ASTN2: variants seen among roughly 807,000 people sequenced by gnomAD.
The protein encoded by ASTN2 is astrotactin 2.
A neutral mutation model predicts 139.8 loss-of-function variants in ASTN2; 54 were observed. The ratio of observed to expected loss-of-function variants is 0.39; its 90% CI spans 0.31 to 0.48. The LOEUF is 0.48. Among genes scored for constraint, ASTN2 ranks in the 20% least tolerant of loss-of-function variants. The pLI is 0.95. For synonymous variants in ASTN2, 756 were observed against 719.5 expected (o/e 1.05, Z -0.81); for missense variants, 1,565 against 1,725.1 (o/e 0.91, Z 1.64).
At chr9:116,982,987 G>C (rs1316604570) in intron 7 of ASTN2, among the ~76,000 whole-genome samples, 1 of 152,136 alleles carries the variant, frequency 6.6e-6, no homozygotes, top group Non-Finnish European at 1.5e-5. Context: ...AGAGTGCAAA[G>C]CCTCCTTCAT....
rs144962537 is a variant in ASTN2, at chr9:117,054,027, A to G, written c.1277-14062T>C. Among the ~76,000 whole-genome samples, 1,189 of 141,348 alleles carry G rather than the reference A, an allele frequency of 8.4e-3. 14 individuals carry two copies. The highest frequency in any genetic ancestry group is 0.032 in the African/African-American group (1,102 of 34,052). 92.7% of individuals were successfully genotyped at this position (141,348 alleles called of 152,430 possible). A position where few individuals can be genotyped will look rare whatever the true frequency, so the allele number is the denominator to read the frequency against. ...GTGGGGGAATATAAGAGAGGATAAA[A>G]AAAGAAAAAAAAAAAACAAAAGAGG... On this transcript the variant is annotated intron_variant, in intron 5 of 22. Coordinates refer to ENST00000313400, the MANE Select transcript of ASTN2 (RefSeq NM_001365068.1).
At chr9:116,728,268 A>G (rs576845225) in intron 15 of ASTN2, among the ~76,000 whole-genome samples, 1 of 152,212 alleles carries the variant, frequency 6.6e-6, no homozygotes, top group Non-Finnish European at 1.5e-5. Context: ...TCCAATATAA[A>G]TCAAGGACTT....
chr9:117,365,844 G>C (rs1156747666), intron 1 of ASTN2, among the ~76,000 whole-genome samples: 1 of 152,170 alleles, frequency 6.6e-6, no homozygotes, highest in East Asian at 1.9e-4. Flanking sequence ...CTGGCCTAGG[G>C]GTTTGGAGGT....
At chr9:117,241,482 T>TG (rs954972221) in intron 2 of ASTN2, among the ~76,000 whole-genome samples, 1 of 152,152 alleles carries the variant, frequency 6.6e-6, no homozygotes, top group Non-Finnish European at 1.5e-5. Context: ...CATGGACTTA[T>TG]GGGGGGCCTG....
chr9:116,737,868 G>A (rs182452645), intron 13 of ASTN2, among the ~76,000 whole-genome samples: 1 of 152,252 alleles, frequency 6.6e-6, no homozygotes, highest in African/African-American at 2.4e-5. Flanking sequence ...TTGAGGACTT[G>A]GCGGGGGAAG....
chr9:116,726,696 T>C (rs1828634158), intron 15 of ASTN2, among the ~76,000 whole-genome samples: 1 of 152,138 alleles, frequency 6.6e-6, no homozygotes, highest in South Asian at 2.1e-4. Context: ...CTTGCTGCTC[T>C]ATTTCTTAGT....
intron 5 of ASTN2, among the ~76,000 whole-genome samples, chr9:117,053,887 T>G (rs967903551): frequency 2.0e-5 from 3 of 152,208 alleles, no homozygotes; most frequent in South Asian, 2.1e-4. Context: ...TTTGTTTTTA[T>G]TTTTTATTTT....
intron 3 of ASTN2, among the ~76,000 whole-genome samples, chr9:117,152,883 T>A (rs1328768827): frequency 6.6e-6 from 1 of 152,186 alleles, no homozygotes; most frequent in Non-Finnish European, 1.5e-5. Flanking sequence ...ATAACACTAA[T>A]AACATTTACT....
chr9:117,154,444 CAGA>C (rs1830390204), intron 3 of ASTN2, among the ~76,000 whole-genome samples: 1 of 152,044 alleles, frequency 6.6e-6, no homozygotes, highest in South Asian at 2.1e-4. Context: ...GATCTGGAAG[CAGA>C]AGAATGGCAC....
intron 20 of ASTN2, among the ~76,000 whole-genome samples, chr9:116,453,545 G>C: frequency 8.2e-6 from 1 of 122,554 alleles, no homozygotes; most frequent in East Asian, 2.6e-4. Flanking sequence ...AGCGAGCTGA[G>C]ATCATGCCAT....
intron 2 of ASTN2, among the ~76,000 whole-genome samples, chr9:117,216,896 C>T (rs1381820024): frequency 6.6e-6 from 1 of 152,120 alleles, no homozygotes; most frequent in African/African-American, 2.4e-5. Context: ...TTTATTTAAT[C>T]TTTAAGACAA....
intron 20 of ASTN2, among the ~76,000 whole-genome samples, chr9:116,464,453 C>T: frequency 6.6e-6 from 1 of 152,238 alleles, no homozygotes; most frequent in East Asian, 1.9e-4. Context: ...TTACTAGTGT[C>T]CTGGAATCAT....
At chr9:116,526,104 C>T (rs1851078028) in intron 19 of ASTN2, among the ~76,000 whole-genome samples, 1 of 152,198 alleles carries the variant, frequency 6.6e-6, no homozygotes, top group Non-Finnish European at 1.5e-5. Context: ...TCACAGCCCA[C>T]TTCATTTGTT....
At chr9:116,651,847 G>A (rs930260904) in intron 16 of ASTN2, 54 bp from the exon 17 acceptor site, 2 of 1,580,818 alleles carry the variant, frequency 1.3e-6, no homozygotes. Flanking sequence ...TTATTCAAAA[G>A]GCCAGACTCT....
chr9:116,632,201 A>AGG (rs1564169021), intron 17 of ASTN2, among the ~76,000 whole-genome samples: 2 of 30,860 alleles, frequency 6.5e-5, no homozygotes, highest in Admixed American at 3.7e-4. Context: ...AGAGAGAAAG[A>AGG]AAGAAAAGAA....
chr9:117,119,986 T>TTGTGTGTGTGTGTG (rs1321670412), intron 4 of ASTN2, among the ~76,000 whole-genome samples: 23 of 79,906 alleles, frequency 2.9e-4, no homozygotes, highest in Admixed American at 2.6e-3. Context: ...CTCTATATAT[T>TTGTGTGTGTGTGTG]TGTATGTGTG....
intron 13 of ASTN2, among the ~76,000 whole-genome samples, chr9:116,760,580 C>T (rs987131890): frequency 4.6e-5 from 7 of 152,174 alleles, no homozygotes; most frequent in Non-Finnish European, 1.0e-4. Context: ...CACATTAAGG[C>T]ATATCTTTGG....
chr9:116,642,597 C>G (rs1016369544), intron 17 of ASTN2, among the ~76,000 whole-genome samples: 2 of 152,074 alleles, frequency 1.3e-5, no homozygotes, highest in African/African-American at 4.8e-5. Flanking sequence ...ACATTTGAGT[C>G]AAGAATATGG....
chr9:116,588,987 T>C (rs577752610), intron 19 of ASTN2, among the ~76,000 whole-genome samples: 3 of 152,298 alleles, frequency 2.0e-5, no homozygotes, highest in East Asian at 1.9e-4. Flanking sequence ...GGAGGAAGAT[T>C]TGGAGAAAGG....
Sources: gnomAD v4.1 joint callset for allele counts (sites outside exome capture counted in the v4.1 genomes callset) on GRCh38, gnomAD v4.1.1 for gene constraint, MANE v1.5 for transcripts, NCBI Gene and HGNC (gene_info 2026-07-23, HGNC 2026-07-21) for gene names.